Variants in BANP observed in about 807,000 individuals in gnomAD.
The protein encoded by BANP is protein BANP.
A neutral mutation model predicts 68.1 loss-of-function variants in BANP; 11 were observed. That is an observed-to-expected ratio of 0.16 (90% CI 0.10 to 0.27). The LOEUF (loss-of-function observed/expected upper bound fraction) is 0.27, where lower values mean the gene tolerates loss of function less well. Among genes scored for constraint, BANP ranks in the 10% least tolerant of loss-of-function variants. The probability of loss-of-function intolerance (pLI) is 1.00; values close to 1 mark genes in which losing one functional copy is unlikely to be tolerated. For synonymous variants in BANP, 329 were observed against 303.2 expected (o/e 1.09, Z -0.88); for missense variants, 504 against 722.7 (o/e 0.70, Z 3.47).
intron 4 of BANP, among the ~76,000 whole-genome samples, chr16:87,995,912 G>A (rs911971294): frequency 3.3e-5 from 5 of 152,362 alleles, no homozygotes; most frequent in Admixed American, 3.3e-4. Context: ...TGCGGTGCCC[G>A]GGGTGCGCTT....
intron 6 of BANP, among the ~76,000 whole-genome samples, chr16:88,013,473 G>A (rs556103268): frequency 1.6e-4 from 25 of 152,210 alleles, no homozygotes; most frequent in African/African-American, 4.8e-5. Flanking sequence ...TGTGAGGTGG[G>A]CCCGCCCCAT....
At chr16:88,010,100 T>C (rs1288940509) in intron 6 of BANP, among the ~76,000 whole-genome samples, 1 of 152,244 alleles carries the variant, frequency 6.6e-6, no homozygotes, top group Non-Finnish European at 1.5e-5. Flanking sequence ...AGTTTTGGTC[T>C]TGGTGTGCTC....
chr16:87,965,166 T>G (rs983980457), intron 1 of BANP, among the ~76,000 whole-genome samples: 1 of 149,846 alleles, frequency 6.7e-6, no homozygotes. Context: ...GACAGAGGAG[T>G]GGGGGCCAGG....
At chr16:88,072,955 G>A (rs541891095) in intron 13 of BANP, among the ~76,000 whole-genome samples, 10 of 152,352 alleles carry the variant, frequency 6.6e-5, no homozygotes, top group East Asian at 3.9e-4. Flanking sequence ...CATTCTGGCC[G>A]CTGTCTTTGG....
intron 4 of BANP, among the ~76,000 whole-genome samples, chr16:87,995,641 GA>G (rs1214119479): frequency 6.6e-6 from 1 of 152,238 alleles, no homozygotes; most frequent in Non-Finnish European, 1.5e-5. Flanking sequence ...GTCACGTGGT[GA>G]GGCTGCACTC....
At chr16:88,060,090 T>G (rs2086293670) in intron 11 of BANP, among the ~76,000 whole-genome samples, 1 of 152,246 alleles carries the variant, frequency 6.6e-6, no homozygotes, top group African/African-American at 2.4e-5. Context: ...TGCTCTGCTG[T>G]GGCCGAAGGT....
chr16:88,027,717 A>G lies in BANP; in HGVS notation c.1063+67A>G, dbSNP rs1598602078. The G allele has an allele frequency of 1.9e-6, 3 of 1,574,944 alleles. No homozygotes were observed. The East Asian group carries it at 6.7e-5, about 35-fold the overall frequency. The stretch of plus-strand genomic sequence containing the variant: ...GGGCAGCTGGCCTGGTGGCACCCTC[A>G]GGGGCAGCCAGTGCGTGGCCAGCGG... On this transcript the variant is annotated intron_variant, in intron 8 of 13. Coordinates refer to ENST00000682872, the MANE Select transcript of BANP (RefSeq NM_001386991.1).
In BANP at chr16:87,983,114, C is replaced by T. The variant is rs371298265; in HGVS notation, c.163-946C>T. Reference sequence around the variant, plus strand: ...ATGTGCACACTTTGGACCCCACGCTCTTTAGGTCATGGGCAGGAAAGGAGA... The same window carrying T: ...ATGTGCACACTTTGGACCCCACGCTTTTTAGGTCATGGGCAGGAAAGGAGA... On this transcript the variant is annotated intron_variant, in intron 3 of 13. Coordinates refer to ENST00000682872, the MANE Select transcript of BANP (RefSeq NM_001386991.1). Among the ~76,000 whole-genome samples the T allele has an allele frequency of 1.3e-3, 198 of 152,252 alleles. 1 individual carries two copies. Among genetic ancestry groups the T allele is most frequent in the African/African-American group, 4.5e-3 (188 of 41,528 alleles).
At chr16:88,053,070 CATT>C (rs72483793) in intron 11 of BANP, among the ~76,000 whole-genome samples, 4 of 146,680 alleles carry the variant, frequency 2.7e-5, no homozygotes, top group East Asian at 2.0e-4. Flanking sequence ...TCATCTCCAT[CATT>C]ATCACCAACC....
chr16:88,041,443 A>G (rs993131031), intron 11 of BANP, among the ~76,000 whole-genome samples: 1 of 152,178 alleles, frequency 6.6e-6, no homozygotes, highest in African/African-American at 2.4e-5. Context: ...CAAATTAAAT[A>G]TTGAGAGATT....
At position 88,033,101 on chromosome 16, in the gene BANP, C is replaced by G; in HGVS notation, c.1064-8C>G. The G allele has an allele frequency of 6.3e-6, 10 of 1,594,046 alleles. No individual in the cohort carries two copies. Among genetic ancestry groups the G allele is most frequent in the Non-Finnish European group, 8.6e-6 (10 of 1,166,012 alleles). On this transcript the variant is annotated splice_polypyrimidine_tract_variant and splice_region_variant and intron_variant, in intron 8 of 13. Coordinates refer to ENST00000682872, the MANE Select transcript of BANP (RefSeq NM_001386991.1). ...CGTTCACCCCGTTCACACCTGTTGCCCCCACAGAGCCGATGATGAGCACCC... is the reference window on the plus strand; with the variant it reads ...CGTTCACCCCGTTCACACCTGTTGCGCCCACAGAGCCGATGATGAGCACCC...
intron 7 of BANP, among the ~76,000 whole-genome samples, chr16:88,026,152 G>A (rs1041097173): frequency 1.3e-5 from 2 of 152,240 alleles, no homozygotes; most frequent in African/African-American, 4.8e-5. Flanking sequence ...AGCGCAGGTG[G>A]TAGAGAACTG....
intron 12 of BANP, among the ~76,000 whole-genome samples, chr16:88,069,335 G>A (rs1449928844): frequency 6.6e-6 from 1 of 152,120 alleles, no homozygotes; most frequent in Non-Finnish European, 1.5e-5. Flanking sequence ...CAAATTCATT[G>A]TTAAAAAAAT....
At chr16:88,062,914 A>G (rs2152881772) in intron 11 of BANP, among the ~76,000 whole-genome samples, 1 of 152,314 alleles carries the variant, frequency 6.6e-6, no homozygotes, top group South Asian at 2.1e-4. Context: ...CACAGATCCC[A>G]GGGCGCTCAT....
chr16:87,964,497 T>C (rs1041910900), intron 1 of BANP, among the ~76,000 whole-genome samples: 1 of 151,976 alleles, frequency 6.6e-6, no homozygotes, highest in Non-Finnish European at 1.5e-5. Context: ...CTGAGCTGAG[T>C]GTATCCCTGA....
chr16:88,034,766 A>C (rs566598194), intron 9 of BANP, among the ~76,000 whole-genome samples: 5 of 152,158 alleles, frequency 3.3e-5, no homozygotes, highest in Non-Finnish European at 7.3e-5. Flanking sequence ...CCTGGGACCT[A>C]TTGCTCCTTT....
At chr16:88,060,918 C>T (rs1427472526) in intron 11 of BANP, among the ~76,000 whole-genome samples, 1 of 149,208 alleles carries the variant, frequency 6.7e-6, no homozygotes, top group Admixed American at 6.7e-5. Flanking sequence ...GGGGGAGCGC[C>T]ACAGGCCTCG....
intron 1 of BANP, among the ~76,000 whole-genome samples, chr16:87,953,119 C>T (rs191756058): frequency 2.6e-5 from 4 of 151,968 alleles, no homozygotes; most frequent in Admixed American, 6.6e-5. Context: ...TGACTAGGCC[C>T]GCAGACACTA....
chr16:88,072,914 G>C (rs966641783), intron 13 of BANP, among the ~76,000 whole-genome samples: 1 of 152,244 alleles, frequency 6.6e-6, no homozygotes, highest in South Asian at 2.1e-4. Context: ...CCTCCAGCCT[G>C]GTGGTTGGCT....
Sources: gnomAD v4.1 joint callset for allele counts (sites outside exome capture counted in the v4.1 genomes callset) on GRCh38, gnomAD v4.1.1 for gene constraint, MANE v1.5 for transcripts, NCBI Gene and HGNC (gene_info 2026-07-23, HGNC 2026-07-21) for gene names.